The following EYS variants were observed in gnomAD, a reference collection of about 807,000 sequenced individuals.
The protein encoded by EYS is EGF-like photoreceptor maintenance factor, also known as protein eyes shut homolog.
Under a neutral mutation model 282.1 loss-of-function variants are expected in EYS, and 250 were observed. The observed-to-expected ratio is 0.89, with a 90% CI of 0.80 to 0.98. EYS has a LOEUF of 0.98. EYS is among the 50% of genes least tolerant of loss of function. The pLI, the probability that EYS is intolerant of heterozygous loss-of-function variation, is 0.00. For missense variants in EYS, 4,016 were observed against 3,709.0 expected, an observed-to-expected ratio of 1.08 and a Z score of -2.15; for synonymous variants, 1,355 against 1,282.9, an observed-to-expected ratio of 1.06 and a Z score of -1.20.
At chr6:65,332,137 T>A (rs1769818822) in intron 11 of EYS, 1 of 450,210 alleles carries the variant, frequency 2.2e-6, no homozygotes, top group Non-Finnish European at 3.9e-6. Flanking sequence ...TATTTTTTTT[T>A]AACTTCTCTT....
intron 30 of EYS, among the ~76,000 whole-genome samples, chr6:64,252,001 CA>C (rs1252296639): frequency 6.6e-6 from 1 of 152,092 alleles, no homozygotes; most frequent in Non-Finnish European, 1.5e-5. Context: ...AAAAAATTCT[CA>C]GTACTGGCAA....
intron 13 of EYS, among the ~76,000 whole-genome samples, chr6:65,016,059 A>G (rs1772036952): frequency 7.0e-6 from 1 of 142,458 alleles, no homozygotes; most frequent in Non-Finnish European, 1.5e-5. Context: ...AAGAAAGAAA[A>G]GAAAAGAAAA....
intron 28 of EYS, among the ~76,000 whole-genome samples, chr6:64,410,594 C>A (rs1048581532): frequency 1.3e-5 from 2 of 152,094 alleles, no homozygotes; most frequent in African/African-American, 4.8e-5. Flanking sequence ...CTTTCACAGT[C>A]ATATTTAAAT....
chr6:63,938,665 G>A (rs114835825), intron 35 of EYS, among the ~76,000 whole-genome samples: 4 of 152,262 alleles, frequency 2.6e-5, no homozygotes, highest in African/African-American at 4.8e-5. Context: ...AGTGTGTCAC[G>A]TATGATTTTG....
At chr6:63,978,635 T>C (rs1344968564) in intron 35 of EYS, among the ~76,000 whole-genome samples, 1 of 151,964 alleles carries the variant, frequency 6.6e-6, no homozygotes, top group African/African-American at 2.4e-5. Flanking sequence ...AGGTGATTCC[T>C]AGCGACATGA....
At chr6:64,108,081 C>A (rs538399926) in intron 31 of EYS, among the ~76,000 whole-genome samples, 1 of 152,210 alleles carries the variant, frequency 6.6e-6, no homozygotes, top group East Asian at 1.9e-4. Flanking sequence ...TTCAAAATGA[C>A]TCTTTGCTTT....
At chr6:64,765,059 T>G (rs1337232410) in intron 22 of EYS, among the ~76,000 whole-genome samples, 2 of 152,184 alleles carry the variant, frequency 1.3e-5, no homozygotes, top group Non-Finnish European at 2.9e-5. Context: ...TAAATATAAG[T>G]TCCAATTTCA....
chr6:64,879,565 TA>T (rs1325802579), intron 19 of EYS, among the ~76,000 whole-genome samples: 2 of 151,012 alleles, frequency 1.3e-5, no homozygotes, highest in African/African-American at 4.9e-5. Context: ...CAGAATGCGC[TA>T]AAAATATTAG....
chr6:64,072,164 T>G (rs1325491563), intron 32 of EYS, among the ~76,000 whole-genome samples: 2 of 151,942 alleles, frequency 1.3e-5, no homozygotes, highest in African/African-American at 2.4e-5. Context: ...AACAACAGCA[T>G]TAAAGATTTA....
At chr6:64,740,544 G>A (rs370400553) in intron 22 of EYS, among the ~76,000 whole-genome samples, 1 of 152,202 alleles carries the variant, frequency 6.6e-6, no homozygotes, top group East Asian at 1.9e-4. Flanking sequence ...TAATTAAGCA[G>A]AGGAGAGACC....
Position 65,245,562 on chromosome 6 carries a change from AT to A in EYS, c.2023+50300del, listed in dbSNP as rs201457004. ...ATTATTCTCATATCAAGGCCTTTAT[AT>A]TGATGTTCTTTCTCAGTTCTTGTGC... is the stretch of plus-strand genomic sequence containing the variant. On this transcript the variant is annotated intron_variant, in intron 12 of 42. Transcript: ENST00000503581. 1.9e-3 allele frequency among the ~76,000 whole-genome samples: 283 copies of A among 152,138 alleles called. 4 individuals are homozygous for A. In the East Asian group the frequency reaches 0.035, roughly 19 times the overall value.
chr6:64,336,447 C>T (rs959607910), intron 29 of EYS, among the ~76,000 whole-genome samples: 8 of 152,064 alleles, frequency 5.3e-5, no homozygotes, highest in South Asian at 2.1e-4. Context: ...ATACATGCAC[C>T]GAACACTGGA....
At chr6:64,574,886 G>T (rs181473694) in intron 26 of EYS, among the ~76,000 whole-genome samples, 4 of 151,964 alleles carry the variant, frequency 2.6e-5, no homozygotes, top group Non-Finnish European at 5.9e-5. Context: ...TGATCTAAAA[G>T]AACACAATTT....
chr6:65,161,504 T>C (rs977869512), intron 12 of EYS, among the ~76,000 whole-genome samples: 2 of 151,068 alleles, frequency 1.3e-5, no homozygotes, highest in Non-Finnish European at 3.0e-5. Flanking sequence ...TGTTTATAGA[T>C]TCACTTATAG....
chr6:64,734,106 AT>A (rs1344316113), intron 22 of EYS, among the ~76,000 whole-genome samples: 2 of 132,350 alleles, frequency 1.5e-5, no homozygotes, highest in Non-Finnish European at 1.6e-5. Flanking sequence ...TTCTGCCCAT[AT>A]TGCAGATATT....
At chr6:64,817,069 C>A (rs1353840332) in intron 21 of EYS, among the ~76,000 whole-genome samples, 7 of 151,844 alleles carry the variant, frequency 4.6e-5, no homozygotes, top group East Asian at 1.9e-4. Flanking sequence ...TTTGCAAGAT[C>A]TTGTTTATTT....
At chr6:65,648,107 A>T (rs1242770621) in intron 1 of EYS, among the ~76,000 whole-genome samples, 1 of 152,230 alleles carries the variant, frequency 6.6e-6, no homozygotes, top group Non-Finnish European at 1.5e-5. Context: ...ACCACTATGG[A>T]AAACAATGTG....
In EYS at chr6:65,209,632, A is replaced by G. The variant is rs561453588; in HGVS notation, c.2023+86231T>C. ...AAGAGTTTCTAAGATGATGGAACAT[A>G]CATGTTTGTGGGGATGACATAGAAC... On this transcript the variant is annotated intron_variant, in intron 12 of 42. Coordinates refer to ENST00000503581, the MANE Select transcript of EYS (RefSeq NM_001142800.2). Among the ~76,000 whole-genome samples, 3 of 152,064 alleles carry G rather than the reference A, an allele frequency of 2.0e-5. No individual in the cohort carries two copies. In the South Asian group the frequency reaches 6.2e-4, roughly 31 times the overall value.
At chr6:64,180,840 A>G (rs1019035911) in intron 31 of EYS, among the ~76,000 whole-genome samples, 1 of 152,122 alleles carries the variant, frequency 6.6e-6, no homozygotes, top group Admixed American at 6.6e-5. Context: ...GAGGATACAT[A>G]TGCAGGTTTG....
Sources: allele counts gnomAD v4.1 joint callset (sites outside exome capture counted in the v4.1 genomes callset), GRCh38; gene constraint gnomAD v4.1.1; transcripts MANE v1.5; gene names NCBI Gene and HGNC (gene_info 2026-07-23, HGNC 2026-07-21).